CDH13: variants seen among roughly 807,000 people sequenced by gnomAD.
The protein encoded by CDH13 is cadherin 13, also known as cadherin-13.
In CDH13, 24 loss-of-function variants were observed where a neutral mutation model predicts 63.8. The ratio of observed to expected loss-of-function variants is 0.38; its 90% CI spans 0.27 to 0.53. The LOEUF (loss-of-function observed/expected upper bound fraction) is 0.53. Ranked by LOEUF, CDH13 falls within the 20% of genes least tolerant of loss-of-function variation. CDH13 has a pLI of 0.85. For synonymous variants in CDH13, 503 were observed against 355.3 expected (o/e 1.42, Z -4.67); for missense variants, 1,049 against 903.1 (o/e 1.16, Z -2.07).
chr16:83,137,992 G>T (rs2036371212), intron 4 of CDH13, among the ~76,000 whole-genome samples: 1 of 152,070 alleles, frequency 6.6e-6, no homozygotes, highest in South Asian at 2.1e-4. Flanking sequence ...AGTCTGGGTG[G>T]CTGGGAACAG....
At chr16:83,379,006 TACACACAC>T (rs59189186) in intron 6 of CDH13, among the ~76,000 whole-genome samples, 1 of 148,930 alleles carries the variant, frequency 6.7e-6, no homozygotes, top group Admixed American at 6.7e-5. Context: ...TATATATATA[TACACACAC>T]ACACACACAC....
At chr16:83,586,747 C>G (rs1395922702) in intron 7 of CDH13, among the ~76,000 whole-genome samples, 4 of 152,156 alleles carry the variant, frequency 2.6e-5, no homozygotes, top group African/African-American at 9.7e-5. Flanking sequence ...GAGAAGCTGA[C>G]TGTACCAGGC....
intron 6 of CDH13, among the ~76,000 whole-genome samples, chr16:83,391,302 T>A (rs2091781559): frequency 6.6e-6 from 1 of 151,714 alleles, no homozygotes; most frequent in African/African-American, 2.4e-5. Flanking sequence ...GCCTCCCGGG[T>A]TCAAATGATT....
chr16:82,833,289 T>C (rs575574184), intron 1 of CDH13, among the ~76,000 whole-genome samples: 1 of 152,366 alleles, frequency 6.6e-6, no homozygotes, highest in Admixed American at 6.5e-5. Context: ...TCTTTCATCC[T>C]TCGAATGATC....
At chr16:83,077,348 T>A (rs2032924938) in intron 3 of CDH13, among the ~76,000 whole-genome samples, 1 of 151,766 alleles carries the variant, frequency 6.6e-6, no homozygotes. Context: ...CACACCACCA[T>A]GCCTGGCTAA....
At chr16:83,431,264 G>A (rs1345117745) in intron 6 of CDH13, among the ~76,000 whole-genome samples, 2 of 151,740 alleles carry the variant, frequency 1.3e-5, no homozygotes, top group Non-Finnish European at 2.9e-5. Flanking sequence ...TGTGAATAAT[G>A]CCGCAATAAA....
intron 2 of CDH13, among the ~76,000 whole-genome samples, chr16:83,029,405 C>T (rs1387235919): frequency 6.6e-6 from 1 of 152,074 alleles, no homozygotes; most frequent in Non-Finnish European, 1.5e-5. Flanking sequence ...TGGAAATAGT[C>T]CAGATACCAG....
At chr16:83,614,193 T>C (rs540090521) in intron 8 of CDH13, among the ~76,000 whole-genome samples, 2 of 152,338 alleles carry the variant, frequency 1.3e-5, no homozygotes, top group Non-Finnish European at 2.9e-5. Flanking sequence ...TTGCTTTCTG[T>C]AAACAGATAA....
chr16:82,915,762 T>A (rs1367594519), intron 2 of CDH13, among the ~76,000 whole-genome samples: 2 of 151,528 alleles, frequency 1.3e-5, no homozygotes, highest in African/African-American at 4.9e-5. Flanking sequence ...ATTCTTCCCT[T>A]GGATTTGCTC....
chr16:82,672,627 C>A (rs71402029), intron 1 of CDH13, among the ~76,000 whole-genome samples: 1 of 152,096 alleles, frequency 6.6e-6, no homozygotes, highest in Admixed American at 6.6e-5. Context: ...CAGTCACCAA[C>A]TCCTATTATT....
At chr16:83,165,084 A>G (rs2037606346) in intron 4 of CDH13, among the ~76,000 whole-genome samples, 1 of 44,822 alleles carries the variant, frequency 2.2e-5, no homozygotes, top group Admixed American at 1.8e-4. Flanking sequence ...GAAGCAGGAG[A>G]AAAAAAAAAA....
chr16:82,632,837 A>G (rs1165222579), intron 1 of CDH13, among the ~76,000 whole-genome samples: 1 of 152,186 alleles, frequency 6.6e-6, no homozygotes, highest in Admixed American at 6.5e-5. Context: ...GGGAGCCCTG[A>G]GCTTGTTTTT....
rs559142687 is a variant in CDH13 at position 82,892,573 on chromosome 16, T to A, written c.157+34100T>A. Among the ~76,000 whole-genome samples, 11 of 152,342 alleles carry A rather than the reference T, an allele frequency of 7.2e-5. No individual in the cohort carries two copies. The South Asian group carries it at 2.3e-3, about 32-fold the overall frequency. ...GTACTTGGAAGGGCAAAACAGTTAT[T>A]TCAATGTACAAATTATTGCCTCATT... On this transcript the variant is annotated intron_variant, in intron 2 of 13. Coordinates refer to ENST00000567109, the MANE Select transcript of CDH13 (RefSeq NM_001257.5).
chr16:83,657,971 T>C (rs1913028178), intron 8 of CDH13, among the ~76,000 whole-genome samples: 1 of 148,608 alleles, frequency 6.7e-6, no homozygotes, highest in African/African-American at 2.6e-5. Flanking sequence ...AGGTCTCATG[T>C]CCTCACCACC....
At chr16:83,171,658 A>G in intron 4 of CDH13, 2 of 1,052,086 alleles carry the variant, frequency 1.9e-6, no homozygotes, top group Non-Finnish European at 2.8e-6. Context: ...CAGGGGATTT[A>G]GTGACACTGC....
At chr16:83,030,734 C>G (rs1315290449) in intron 2 of CDH13, among the ~76,000 whole-genome samples, 3 of 151,270 alleles carry the variant, frequency 2.0e-5, no homozygotes, top group African/African-American at 7.3e-5. Context: ...AGAGCACACA[C>G]CTGATCTTGA....
intron 6 of CDH13, among the ~76,000 whole-genome samples, chr16:83,384,179 T>C (rs930992182): frequency 7.2e-5 from 11 of 152,180 alleles, no homozygotes; most frequent in Admixed American, 2.6e-4. Context: ...ACCTTTCGTG[T>C]TTATCAATAC....
intron 8 of CDH13, among the ~76,000 whole-genome samples, chr16:83,610,445 C>A (rs763589456): frequency 6.6e-6 from 1 of 152,040 alleles, no homozygotes; most frequent in Non-Finnish European, 1.5e-5. Flanking sequence ...AACACAAAAC[C>A]CAAATCAAGA....
intron 3 of CDH13, among the ~76,000 whole-genome samples, chr16:83,113,651 T>C (rs2035167594): frequency 6.6e-6 from 1 of 151,994 alleles, no homozygotes; most frequent in South Asian, 2.1e-4. Context: ...GTGCAGCCAA[T>C]CCTCATAGCA....
Sources: allele counts gnomAD v4.1 joint callset (sites outside exome capture counted in the v4.1 genomes callset), GRCh38; gene constraint gnomAD v4.1.1; transcripts MANE v1.5; gene names NCBI Gene and HGNC (gene_info 2026-07-23, HGNC 2026-07-21).